The following ARRB1 variants were observed in gnomAD, a reference collection of about 807,000 sequenced individuals.
ARRB1 encodes beta-arrestin-1.
ARRB1 carries 21 observed loss-of-function variants against 56.8 expected under a neutral mutation model. The observed-to-expected ratio is 0.37, with a 90% CI of 0.26 to 0.53. The LOEUF (loss-of-function observed/expected upper bound fraction) is 0.53, where lower values mean the gene tolerates loss of function less well. Ranked by LOEUF, ARRB1 falls within the 20% of genes least tolerant of loss-of-function variation. The pLI is 0.88. For synonymous variants in ARRB1, 210 were observed against 218.6 expected (o/e 0.96, Z 0.35); for missense variants, 424 against 553.7 (o/e 0.77, Z 2.35).
chr11:75,331,753 A>G (rs1947523995), intron 1 of ARRB1, among the ~76,000 whole-genome samples: 1 of 151,806 alleles, frequency 6.6e-6, no homozygotes, highest in African/African-American at 2.4e-5. Flanking sequence ...TGTTGCTCAC[A>G]CAAAGCCTGT....
intron 1 of ARRB1, among the ~76,000 whole-genome samples, chr11:75,351,020 G>A (rs1256532671): frequency 2.0e-5 from 3 of 152,200 alleles, no homozygotes; most frequent in Non-Finnish European, 2.9e-5. Context: ...TGAGGGTGAT[G>A]TGTGTGCCAG....
At chr11:75,321,154 A>G (rs1293721057) in intron 1 of ARRB1, among the ~76,000 whole-genome samples, 3 of 152,082 alleles carry the variant, frequency 2.0e-5, no homozygotes, top group Admixed American at 6.5e-5. Flanking sequence ...GAGAGGCACA[A>G]GGTAAAGTTT....
At chr11:75,351,266 G>C (rs1947846436) in intron 1 of ARRB1, among the ~76,000 whole-genome samples, 1 of 152,224 alleles carries the variant, frequency 6.6e-6, no homozygotes, top group African/African-American at 2.4e-5. Flanking sequence ...CTGTGCCACG[G>C]GTTAGTGTGC....
At chr11:75,292,150 A>ATAT (rs1248554240) in intron 1 of ARRB1, among the ~76,000 whole-genome samples, 17 of 63,194 alleles carry the variant, frequency 2.7e-4, no homozygotes, top group Non-Finnish European at 1.8e-4. Context: ...ATTTATTTAT[A>ATAT]TTTTTTTGAG....
At chr11:75,307,024 C>A (rs1488449329) in intron 1 of ARRB1, among the ~76,000 whole-genome samples, 1 of 152,160 alleles carries the variant, frequency 6.6e-6, no homozygotes, top group Non-Finnish European at 1.5e-5. Context: ...CACAGCCAGG[C>A]ACCTCCTGTC....
intron 1 of ARRB1, among the ~76,000 whole-genome samples, chr11:75,349,619 G>A (rs1947817910): frequency 6.6e-6 from 1 of 152,222 alleles, no homozygotes. Context: ...ACAATGGAGT[G>A]GAGAATGGCT....
rs967893249 is a variant in ARRB1 at position 75,282,530 on chromosome 11, A to T, written c.355-509T>A. On this transcript the variant is annotated intron_variant, in intron 5 of 15. Coordinates refer to ENST00000420843, the MANE Select transcript of ARRB1 (RefSeq NM_004041.5). ...GCTGGCTTTGACAATGGAGGAAGGC[A>T]CTGTGAGCCAAGGAAAGCAATGCTG... Among the ~76,000 whole-genome samples the T allele has an allele frequency of 4.6e-5, 7 of 152,196 alleles. 1 individual carries two copies. The highest frequency in any genetic ancestry group is 4.6e-4 in the Admixed American group (7 of 15,282).
chr11:75,324,475 A>G (rs957081513), intron 1 of ARRB1, among the ~76,000 whole-genome samples: 4 of 152,214 alleles, frequency 2.6e-5, no homozygotes, highest in African/African-American at 9.6e-5. Flanking sequence ...CTCAGGGTTC[A>G]GAACAGGGCC....
chr11:75,299,498 G>A (rs947127521), intron 1 of ARRB1, among the ~76,000 whole-genome samples: 9 of 151,400 alleles, frequency 5.9e-5, no homozygotes, highest in African/African-American at 2.2e-4. Flanking sequence ...CCTAAACTCT[G>A]AATGCTTTGA....
At chr11:75,336,360 T>G (rs1012569771) in intron 1 of ARRB1, among the ~76,000 whole-genome samples, 2 of 152,074 alleles carry the variant, frequency 1.3e-5, no homozygotes, top group African/African-American at 4.8e-5. Context: ...CCTGCCAAGC[T>G]GCAGATGGCC....
At chr11:75,343,732 A>C in intron 1 of ARRB1, among the ~76,000 whole-genome samples, 1 of 152,096 alleles carries the variant, frequency 6.6e-6, no homozygotes, top group East Asian at 1.9e-4. Context: ...TAATCAGATC[A>C]CCGAAGGGCC....
At chr11:75,315,165 G>A (rs146275260) in intron 1 of ARRB1, among the ~76,000 whole-genome samples, 54 of 152,226 alleles carry the variant, frequency 3.5e-4, no homozygotes, top group Admixed American at 1.1e-3. Flanking sequence ...AGACTTTCTC[G>A]TACCAGAAGC....
At chr11:75,337,462 T>G (rs1335194512) in intron 1 of ARRB1, among the ~76,000 whole-genome samples, 1 of 152,140 alleles carries the variant, frequency 6.6e-6, no homozygotes, top group Non-Finnish European at 1.5e-5. Context: ...TGCTTTTTCT[T>G]TAAGTCAGCA....
intron 1 of ARRB1, chr11:75,311,917 A>T: frequency 1.5e-6 from 1 of 679,644 alleles, no homozygotes; most frequent in Non-Finnish European, 2.2e-6. Context: ...AGGGCCTGTC[A>T]GAAGGGGCTG....
chr11:75,319,035 AAAC>A (rs567733758), intron 1 of ARRB1, among the ~76,000 whole-genome samples: 6 of 152,334 alleles, frequency 3.9e-5, no homozygotes, highest in Admixed American at 1.3e-4. Flanking sequence ...TTTATTATAG[AAAC>A]AACTGTAGCA....
chr11:75,348,881 C>T (rs948282512), intron 1 of ARRB1, among the ~76,000 whole-genome samples: 19 of 152,028 alleles, frequency 1.2e-4, no homozygotes, highest in African/African-American at 4.1e-4. Context: ...TGAACCACCG[C>T]GCACAGCCCT....
rs766232708 is a variant in ARRB1, at chr11:75,281,136, C to A, written c.421G>T (p.Gly141Cys). The A allele has an allele frequency of 6.3e-7, 1 of 1,596,614 alleles. No homozygotes were observed. The highest frequency in any genetic ancestry group is 8.5e-7 in the Non-Finnish European group (1 of 1,171,032). Reference protein sequence around the residue: ...PGPEDTGKACGVDYEVKAFCA... With the variant: ...PGPEDTGKACCVDYEVKAFCA... ...AAGGCTTTGACTTCATAGTCCACAC[C>A]GCAAGCCTGTGGGGAAGGGGTCACT... The change falls in exon 7 of 16, where the codon GGT (glycine) becomes TGT (cysteine). Residue 141 changes from glycine (G) to cysteine (C), a missense_variant. Transcript: ENST00000420843.
chr11:75,275,662 G>A lies in ARRB1; in HGVS notation c.776+1177C>T, dbSNP rs181271556. Among the ~76,000 whole-genome samples, 4 of 152,288 alleles carry A rather than the reference G, an allele frequency of 2.6e-5. No homozygotes were observed. In the East Asian group the frequency reaches 5.8e-4, roughly 22 times the overall value. ...AGAGAGCTGTCATGCAGCAGATAGT[G>A]AACAAGCCTTGGAGTCGGACGACCG... On this transcript the variant is annotated intron_variant, in intron 10 of 15. Transcript: ENST00000420843.
At chr11:75,274,362 C>G (rs1315748746) in intron 10 of ARRB1, 151 bp from the exon 11 acceptor site, 1 of 1,077,886 alleles carries the variant, frequency 9.3e-7, no homozygotes, top group Admixed American at 2.7e-5. Flanking sequence ...CTTGGGCCAG[C>G]CCAGCTCGGG....
Sources: allele counts gnomAD v4.1 joint callset (sites outside exome capture counted in the v4.1 genomes callset), GRCh38; gene constraint gnomAD v4.1.1; transcripts MANE v1.5; gene names NCBI Gene and HGNC (gene_info 2026-07-23, HGNC 2026-07-21).